Variants in PRKCH observed in about 807,000 individuals in gnomAD.
PRKCH encodes the protein protein kinase C eta.
PRKCH carries 28 observed loss-of-function variants against 82.5 expected under a neutral mutation model. The observed-to-expected ratio is 0.34, with a 90% CI of 0.25 to 0.47. PRKCH has a LOEUF of 0.47. PRKCH is among the 20% of genes least tolerant of loss of function. The pLI, the probability that PRKCH is intolerant of heterozygous loss-of-function variation, is 1.00. For missense variants in PRKCH, 705 were observed against 881.8 expected, an observed-to-expected ratio of 0.80 and a Z score of 2.54; for synonymous variants, 322 against 327.4, an observed-to-expected ratio of 0.98 and a Z score of 0.18.
intron 1 of PRKCH, among the ~76,000 whole-genome samples, chr14:61,287,504 A>G (rs1195626401): frequency 6.6e-6 from 1 of 152,110 alleles, no homozygotes; most frequent in Non-Finnish European, 1.5e-5. Flanking sequence ...TGAGGCCAGG[A>G]GTTTGAGACC....
At chr14:61,391,094 A>G in intron 1 of PRKCH, 131 bp from the exon 2 acceptor site, 1 of 719,666 alleles carries the variant, frequency 1.4e-6, no homozygotes, top group South Asian at 2.1e-5. Flanking sequence ...TCTACTATTT[A>G]ATGAAAGACT....
At chr14:61,224,316 T>C (rs1006113545) in intron 1 of PRKCH, among the ~76,000 whole-genome samples, 2 of 152,244 alleles carry the variant, frequency 1.3e-5, no homozygotes, top group African/African-American at 4.8e-5. Flanking sequence ...TATTATCTTA[T>C]ATGGTCATTG....
intron 2 of PRKCH, among the ~76,000 whole-genome samples, chr14:61,441,181 A>G (rs1883951574): frequency 6.6e-6 from 1 of 152,138 alleles, no homozygotes; most frequent in South Asian, 2.1e-4. Context: ...TAAAGATGTG[A>G]GCCACTGCAC....
At chr14:61,201,060 A>T (rs548112682) in intron 1 of PRKCH, among the ~76,000 whole-genome samples, 10 of 152,150 alleles carry the variant, frequency 6.6e-5, no homozygotes, top group Non-Finnish European at 1.3e-4. Context: ...TGAACTGATG[A>T]AGTGTCAAGA....
chr14:61,377,080 G>A (rs1355852217), intron 1 of PRKCH, among the ~76,000 whole-genome samples: 2 of 152,146 alleles, frequency 1.3e-5, no homozygotes, highest in Non-Finnish European at 2.9e-5. Context: ...AAGTCTACCT[G>A]TCATCTCCCA....
chr14:61,280,765 C>G lies in PRKCH; in HGVS notation c.-19+93097C>G, dbSNP rs767524528. The G allele has an allele frequency of 2.1e-5, 32 of 1,556,502 alleles. No individual in the cohort carries two copies. Among genetic ancestry groups the G allele is most frequent in the Non-Finnish European group, 8.6e-7 (1 of 1,159,338 alleles). The stretch of plus-strand genomic sequence containing the variant: ...GAGTCCGCTCAGCTGCGCGTCGTCG[C>G]GGGACACGCCGTAGCGCCGGTTGTT... On this transcript the variant is annotated intron_variant, in intron 1 of 3. Coordinates refer to the PRKCH transcript ENST00000555185. The surrounding 1 kb of genome is among the most constrained non-coding windows in gnomAD (Gnocchi z 5.0).
intron 9 of PRKCH, among the ~76,000 whole-genome samples, chr14:61,470,327 A>G (rs1594741725): frequency 8.0e-6 from 1 of 125,598 alleles, no homozygotes; most frequent in African/African-American, 3.7e-5. Flanking sequence ...TCCCGTTGCC[A>G]CTTGCACGAT....
chr14:61,453,136 T>C lies in PRKCH; in HGVS notation c.833-90T>C. Reference sequence around the variant, plus strand: ...TTCAGCCGGTATAATTCCTCTGTTATAATCTTTTAGGCTATTAAAGTTCTC... The same window carrying C: ...TTCAGCCGGTATAATTCCTCTGTTACAATCTTTTAGGCTATTAAAGTTCTC... On this transcript the variant is annotated intron_variant, in intron 6 of 13. Transcript: ENST00000332981. The C allele has an allele frequency of 1.1e-5, 17 of 1,501,712 alleles. No individual in the cohort carries two copies. In the South Asian group the frequency reaches 1.8e-4, roughly 16 times the overall value. 93.0% of individuals were successfully genotyped at this position (1,501,712 alleles called of 1,614,324 possible).
intron 1 of PRKCH, among the ~76,000 whole-genome samples, chr14:61,287,394 AAAG>A (rs1186398054): frequency 1.3e-5 from 2 of 151,732 alleles, no homozygotes; most frequent in African/African-American, 4.8e-5. Context: ...TCTGTACTGG[AAAG>A]AAGAGAGGGG....
chr14:61,243,820 G>T (rs2044859993), intron 1 of PRKCH, among the ~76,000 whole-genome samples: 1 of 151,832 alleles, frequency 6.6e-6, no homozygotes, highest in Non-Finnish European at 1.5e-5. Flanking sequence ...TAAAACATTA[G>T]CTTCCTCTGG....
At chr14:61,426,778 T>C (rs982266565) in intron 2 of PRKCH, among the ~76,000 whole-genome samples, 2 of 152,158 alleles carry the variant, frequency 1.3e-5, no homozygotes, top group African/African-American at 2.4e-5. Context: ...ACAGAGGAAT[T>C]TTCTCATACA....
At chr14:61,284,277 T>C (rs188727819) in intron 1 of PRKCH, among the ~76,000 whole-genome samples, 22 of 152,294 alleles carry the variant, frequency 1.4e-4, no homozygotes, top group Non-Finnish European at 7.4e-5. Context: ...CAGATGAATT[T>C]GAAAGATAAA....
rs187058878 is a variant in PRKCH, at chr14:61,249,987, C to T, written c.-19+62319C>T. 5.4e-3 allele frequency among the ~76,000 whole-genome samples: 818 copies of T among 151,000 alleles called. 4 individuals carry two copies. Among genetic ancestry groups the T allele is most frequent in the Middle Eastern group, 0.024 (7 of 294 alleles). ...CAAAAAAAATCTGCATGGCTGGGCA[C>T]GGCGGCTCATGCCTGTAATCCCAGC... On this transcript the variant is annotated intron_variant, in intron 1 of 3. Transcript: ENST00000555185.
At chr14:61,397,052 A>G (rs1444601934) in intron 2 of PRKCH, among the ~76,000 whole-genome samples, 6 of 152,182 alleles carry the variant, frequency 3.9e-5, no homozygotes, top group African/African-American at 7.2e-5. Context: ...GTGTTAGTTG[A>G]TAAGACTAGA....
intron 1 of PRKCH, among the ~76,000 whole-genome samples, chr14:61,248,234 C>T (rs1462226673): frequency 6.6e-6 from 1 of 152,090 alleles, no homozygotes; most frequent in Non-Finnish European, 1.5e-5. Flanking sequence ...AAAATGCAAC[C>T]TCATCCATTC....
intron 1 of PRKCH, among the ~76,000 whole-genome samples, chr14:61,236,171 A>C (rs2044786268): frequency 6.6e-6 from 1 of 152,168 alleles, no homozygotes; most frequent in South Asian, 2.1e-4. Context: ...GGAGTTTGAG[A>C]CCAGCCTGGC....
chr14:61,449,570 G>A (rs1381495094), intron 5 of PRKCH, among the ~76,000 whole-genome samples: 1 of 152,112 alleles, frequency 6.6e-6, no homozygotes, highest in Non-Finnish European at 1.5e-5. Flanking sequence ...TACTTATTTG[G>A]AGAGACTTTT....
intron 1 of PRKCH, among the ~76,000 whole-genome samples, chr14:61,190,330 C>T (rs983806563): frequency 6.6e-6 from 1 of 152,130 alleles, no homozygotes; most frequent in Non-Finnish European, 1.5e-5. Context: ...CACAGTCCTT[C>T]GACTTAAATA....
At chr14:61,314,384 T>C (rs1195201580) in intron 1 of PRKCH, among the ~76,000 whole-genome samples, 1 of 152,190 alleles carries the variant, frequency 6.6e-6, no homozygotes, top group African/African-American at 2.4e-5. Flanking sequence ...GTAGGTGAGA[T>C]GTCAAAAAAT....
Sources: allele counts gnomAD v4.1 joint callset (sites outside exome capture counted in the v4.1 genomes callset), GRCh38; gene constraint gnomAD v4.1.1; non-coding constraint Gnocchi (gnomAD v3.1); transcripts MANE v1.5; gene names NCBI Gene and HGNC (gene_info 2026-07-23, HGNC 2026-07-21).